The following SDK1 variants were observed in gnomAD, a reference collection of about 807,000 sequenced individuals.
The protein encoded by SDK1 is protein sidekick-1.
SDK1 carries 157 observed loss-of-function variants against 245.5 expected under a neutral mutation model. The ratio of observed to expected loss-of-function variants is 0.64; its 90% CI spans 0.56 to 0.73. The LOEUF (loss-of-function observed/expected upper bound fraction) is 0.73. SDK1 is among the 30% of genes least tolerant of loss of function. The probability of loss-of-function intolerance (pLI) is 0.00; values close to 1 mark genes in which losing one functional copy is unlikely to be tolerated. For missense variants in SDK1, 3,583 were observed against 3,002.3 expected, an observed-to-expected ratio of 1.19 and a Z score of -4.52; for synonymous variants, 1,647 against 1,278.5, an observed-to-expected ratio of 1.29 and a Z score of -6.15.
At chr7:3,609,454 G>T (rs139558463) in intron 1 of SDK1, among the ~76,000 whole-genome samples, 1 of 152,012 alleles carries the variant, frequency 6.6e-6, no homozygotes, top group Non-Finnish European at 1.5e-5. Flanking sequence ...AGGCTGGAGC[G>T]CAGTGGTGTG....
At position 4,157,945 on chromosome 7, in the gene SDK1, G is replaced by A. The variant is rs542226069; in HGVS notation, c.4626-503G>A. On this transcript the variant is annotated intron_variant, in intron 30 of 44. Coordinates refer to ENST00000404826, the MANE Select transcript of SDK1 (RefSeq NM_152744.4). The stretch of plus-strand genomic sequence containing the variant: ...GCCCAGTAAAGAGCTCCAGGAGGAC[G>A]GAGCGTGAGAATCAGGCAGGAACTC... Among the ~76,000 whole-genome samples, 9 of 152,260 alleles carry A rather than the reference G, an allele frequency of 5.9e-5. No individual in the cohort carries two copies. In the East Asian group the frequency reaches 1.4e-3, roughly 23 times the overall value.
intron 1 of SDK1, among the ~76,000 whole-genome samples, chr7:3,409,889 A>G (rs1779152985): frequency 6.6e-6 from 1 of 152,074 alleles, no homozygotes; most frequent in Non-Finnish European, 1.5e-5. Context: ...TATATATTTG[A>G]TGAGGTGTAT....
At chr7:3,401,847 C>G (rs1778896196) in intron 1 of SDK1, among the ~76,000 whole-genome samples, 1 of 152,060 alleles carries the variant, frequency 6.6e-6, no homozygotes, top group African/African-American at 2.4e-5. Context: ...TGTATAAATG[C>G]CTAGTTATTA....
intron 1 of SDK1, among the ~76,000 whole-genome samples, chr7:3,508,305 A>G (rs1023226296): frequency 6.8e-6 from 1 of 146,424 alleles, no homozygotes; most frequent in African/African-American, 2.5e-5. Flanking sequence ...CTCTGACATC[A>G]TCATTCTTCT....
chr7:3,542,222 CT>C (rs1779074128), intron 1 of SDK1, among the ~76,000 whole-genome samples: 1 of 152,148 alleles, frequency 6.6e-6, no homozygotes, highest in African/African-American at 2.4e-5. Context: ...ATACACATAG[CT>C]TAGATGTGCC....
intron 2 of SDK1, among the ~76,000 whole-genome samples, chr7:3,634,102 G>C (rs965836814): frequency 1.3e-5 from 2 of 152,148 alleles, no homozygotes; most frequent in South Asian, 4.1e-4. Context: ...TCTCAGAGCT[G>C]GTACCTGTAG....
chr7:3,801,635 G>T (rs1177844510), intron 4 of SDK1, among the ~76,000 whole-genome samples: 1 of 152,186 alleles, frequency 6.6e-6, no homozygotes, highest in African/African-American at 2.4e-5. Flanking sequence ...CCTTCTCATT[G>T]ATAAGGACCC....
intron 5 of SDK1, among the ~76,000 whole-genome samples, chr7:3,906,259 A>C (rs1307493119): frequency 6.6e-6 from 1 of 152,038 alleles, no homozygotes; most frequent in East Asian, 1.9e-4. Context: ...TTAGAACTTT[A>C]ATTATTTTAT....
chr7:4,209,783 A>G (rs1784419408), intron 37 of SDK1, among the ~76,000 whole-genome samples: 1 of 152,140 alleles, frequency 6.6e-6, no homozygotes, highest in Non-Finnish European at 1.5e-5. Context: ...TTGTCTCTCA[A>G]GCCCCTTTGT....
intron 13 of SDK1, 69 bp downstream of exon 13, chr7:3,974,614 T>C: frequency 6.8e-7 from 1 of 1,475,700 alleles, no homozygotes; most frequent in Non-Finnish European, 9.4e-7. Flanking sequence ...TGTTAGTGAC[T>C]GCCACTTCAC....
intron 38 of SDK1, among the ~76,000 whole-genome samples, chr7:4,212,522 G>A (rs1430056792): frequency 2.0e-5 from 3 of 152,332 alleles, no homozygotes; most frequent in Admixed American, 1.3e-4. Flanking sequence ...TGGGAGGGAC[G>A]GGGATTTAGT....
chr7:3,986,610 C>T (rs1783849685), intron 13 of SDK1, among the ~76,000 whole-genome samples: 1 of 152,190 alleles, frequency 6.6e-6, no homozygotes, highest in African/African-American at 2.4e-5. Context: ...CCTGTAATCC[C>T]AGCACTTTGG....
chr7:3,397,631 G>A (rs1355644307), intron 1 of SDK1, among the ~76,000 whole-genome samples: 1 of 151,766 alleles, frequency 6.6e-6, no homozygotes, highest in Non-Finnish European at 1.5e-5. Flanking sequence ...TGAACATTTT[G>A]TCTTAATGTG....
intron 4 of SDK1, among the ~76,000 whole-genome samples, chr7:3,743,671 G>A (rs1010106618): frequency 6.6e-6 from 1 of 152,182 alleles, no homozygotes; most frequent in Non-Finnish European, 1.5e-5. Flanking sequence ...AAACTGCTTA[G>A]TGCTGGATAT....
At chr7:3,585,838 A>G (rs1466735865) in intron 1 of SDK1, among the ~76,000 whole-genome samples, 1 of 152,328 alleles carries the variant, frequency 6.6e-6, no homozygotes, top group Admixed American at 6.5e-5. Context: ...CAGCGAGGAA[A>G]TAAATCTGTT....
At chr7:4,011,921 T>C (rs1785999627) in intron 15 of SDK1, among the ~76,000 whole-genome samples, 174 bp from the exon 16 acceptor site, 1 of 152,186 alleles carries the variant, frequency 6.6e-6, no homozygotes, top group Non-Finnish European at 1.5e-5. Flanking sequence ...TGTTGATTTG[T>C]GGTAACTGTT....
At chr7:3,689,187 C>T (rs1379536003) in intron 4 of SDK1, among the ~76,000 whole-genome samples, 1 of 152,180 alleles carries the variant, frequency 6.6e-6, no homozygotes, top group Non-Finnish European at 1.5e-5. Flanking sequence ...GCTTGCCACC[C>T]TCTTTCCTAA....
chr7:4,027,268 T>C (rs1787432597), intron 17 of SDK1, among the ~76,000 whole-genome samples: 2 of 152,222 alleles, frequency 1.3e-5, no homozygotes, highest in Non-Finnish European at 2.9e-5. Context: ...TTTCACGGTT[T>C]ATGTGTAACA....
chr7:3,870,624 CAA>C (rs996822729), intron 5 of SDK1, among the ~76,000 whole-genome samples: 50 of 152,030 alleles, frequency 3.3e-4, no homozygotes, highest in African/African-American at 9.4e-4. Context: ...AGAAGAGTTG[CAA>C]AGTTAGCACA....
Sources: gnomAD v4.1 joint callset for allele counts (sites outside exome capture counted in the v4.1 genomes callset) on GRCh38, gnomAD v4.1.1 for gene constraint, MANE v1.5 for transcripts, NCBI Gene and HGNC (gene_info 2026-07-23, HGNC 2026-07-21) for gene names.